Variants in LY6D observed in about 807,000 individuals in gnomAD.
LY6D encodes the protein lymphocyte antigen 6 family member D, also known as lymphocyte antigen 6D.
A neutral mutation model predicts 5.6 loss-of-function variants in LY6D; 7 were observed. That is an observed-to-expected ratio of 1.24 (90% CI 0.71 to 2.34). The LOEUF (loss-of-function observed/expected upper bound fraction) is 2.34. Among genes scored for constraint, LY6D ranks in the 30% most tolerant of loss-of-function variants. LY6D has a pLI of 0.00. For missense variants in LY6D, 148 were observed against 164.8 expected, an observed-to-expected ratio of 0.90 and a Z score of 0.56; for synonymous variants, 81 against 75.0, an observed-to-expected ratio of 1.08 and a Z score of -0.41.
At position 142,785,395 on chromosome 8, in the gene LY6D, G is replaced by A. The variant is rs1433453302; in HGVS notation, c.213C>T (p.Tyr71=). The change falls in exon 3 of 3, where the codon TAC becomes TAT. Residue 71 remains tyrosine, a synonymous_variant. Transcript: ENST00000301263. ...CGCTGCTGACCTGGCCTTGCAGGGT[G>A]TAGCTGGGTGTGCACGACTCCGCAC... ...KDCAESCTPS[Y]TLQGQVSSGT... 6 of 1,613,470 alleles carry A rather than the reference G, an allele frequency of 3.7e-6. No individual in the cohort carries two copies. The highest frequency in any genetic ancestry group is 1.3e-5 in the African/African-American group (1 of 74,886).
rs773613053 is a variant in LY6D at position 142,785,306 on chromosome 8, GGTGCAGCGTT to G, written c.292_301del (p.Asn98ProfsTer17). The G allele has an allele frequency of 1.2e-6, 2 of 1,613,632 alleles. No individual in the cohort carries two copies. Among genetic ancestry groups the G allele is most frequent in the Non-Finnish European group, 1.7e-6 (2 of 1,179,914 alleles). On this transcript the variant is annotated frameshift_variant, in exon 3 of 3. Coordinates refer to ENST00000301263, the MANE Select transcript of LY6D (RefSeq NM_003695.3). LOFTEE classifies it low-confidence loss of function (END_TRUNC). ...ACTGTGGGCGAGGGCGGTGCGGGTG[GGTGCAGCGTT>G]GTGCAGCTTCTCATTGCACAGGTCC... is the stretch of plus-strand genomic sequence containing the variant.
chr8:142,786,163 G>T, intron 1 of LY6D: 1 of 1,257,876 alleles, frequency 7.9e-7, no homozygotes, highest in Non-Finnish European at 1.0e-6. Flanking sequence ...GACCGGGAGG[G>T]GCTGGTGGCA....
At chr8:142,785,948 A>C in intron 1 of LY6D, 1 of 1,343,212 alleles carries the variant, frequency 7.4e-7, no homozygotes. Context: ...CCTTTCCTCC[A>C]AGGTCTCAGG....
chr8:142,785,677 C>G lies in LY6D; in HGVS notation c.63G>C (p.Leu21=). The G allele has an allele frequency of 6.2e-7, 1 of 1,613,520 alleles. No individual in the cohort carries two copies. Among genetic ancestry groups the G allele is most frequent in the African/African-American group, 1.3e-5 (1 of 75,048 alleles). ...LAVATGPALT[L]RCHVCTSSSN... is the part of the protein sequence containing the mutation. Reference sequence around the variant, plus strand: ...TGGAGCTGGTGCACACGTGGCAGCGCAGGGTAAGGGCTGGCGGGGAGGGAG... The same window carrying G: ...TGGAGCTGGTGCACACGTGGCAGCGGAGGGTAAGGGCTGGCGGGGAGGGAG... The change falls in exon 2 of 3, where the codon CTG becomes CTC. Residue 21 remains leucine (L), a synonymous_variant. Coordinates refer to ENST00000301263, the MANE Select transcript of LY6D (RefSeq NM_003695.3).
At chr8:142,786,057 G>A in intron 1 of LY6D, 1 of 1,193,656 alleles carries the variant, frequency 8.4e-7, no homozygotes, top group Non-Finnish European at 1.0e-6. Context: ...ACGGAGCTAA[G>A]GCCCCGGGGG....
chr8:142,786,101 A>G, intron 1 of LY6D: 3 of 1,195,160 alleles, frequency 2.5e-6, no homozygotes, highest in Non-Finnish European at 3.1e-6. Context: ...CTATGACAGG[A>G]AGGGCTTGGT....
At chr8:142,786,441 C>A in intron 1 of LY6D, 24 bp downstream of exon 1, 1 of 1,503,878 alleles carries the variant, frequency 6.6e-7, no homozygotes, top group South Asian at 1.2e-5. Context: ...CCCACCCGCC[C>A]GTCCCCTTGG....
At position 142,785,651 on chromosome 8, in the gene LY6D, C is replaced by A. The variant is rs369344476; in HGVS notation, c.89G>T (p.Ser30Ile). ...TLRCHVCTSS[S>I]NCKHSVVCPA... ...GCAGACCACAGAATGCTTGCAGTTG[C>A]TGGAGCTGGTGCACACGTGGCAGCG... Residue 30 changes from serine to isoleucine, a missense_variant, in exon 2 of 3, where the codon AGC (serine) becomes ATC (isoleucine). Physicochemically the swap from Ser to Ile is moderately radical, Grantham distance 142 (BLOSUM62 -2). Transcript: ENST00000301263. 8.1e-6 allele frequency: 13 copies of A among 1,613,540 alleles called. No homozygotes were observed. In the African/African-American group the frequency reaches 1.6e-4, roughly 20 times the overall value.
Position 142,784,986 on chromosome 8 carries a change from C to A in LY6D, c.*235G>T. On this transcript the variant is annotated 3_prime_UTR_variant, in exon 3 of 3. Transcript: ENST00000301263. The stretch of plus-strand genomic sequence containing the variant: ...GGGGATCCACAGGGCTTCTGTCCTC[C>A]ACCTTCCATGCAGCTGGGGGCTGCA... 1.9e-6 allele frequency: 1 copy of A among 537,114 alleles called. No individual in the cohort carries two copies. The highest frequency in any genetic ancestry group is 3.3e-6 in the Non-Finnish European group (1 of 301,888). The allele number at this position is 537,114 out of a possible 1,614,324, so 33.3% of individuals were successfully genotyped here.
chr8:142,786,367 C>T, intron 1 of LY6D, 98 bp downstream of exon 1: 1 of 1,445,682 alleles, frequency 6.9e-7, no homozygotes, highest in South Asian at 1.5e-5. Context: ...TGTCGGGGTT[C>T]TCTGTGCCTA....
rs1247298323 is a variant in LY6D at position 142,785,409 on chromosome 8, A to T, written c.199T>A (p.Cys67Ser). 1 of 1,613,386 alleles carries T rather than the reference A, an allele frequency of 6.2e-7. No individual in the cohort carries two copies. Among genetic ancestry groups the T allele is most frequent in the Non-Finnish European group, 8.5e-7 (1 of 1,179,914 alleles). Residue 67 changes from cysteine (C) to serine (S), a missense_variant, in exon 3 of 3, where the codon TGC becomes AGC. Cys to Ser is a moderately radical substitution (Grantham distance 112). Coordinates refer to ENST00000301263, the MANE Select transcript of LY6D (RefSeq NM_003695.3). Reference sequence around the variant, plus strand: ...CCTTGCAGGGTGTAGCTGGGTGTGCACGACTCCGCACAGTCCTTCTTCACC... The same window carrying T: ...CCTTGCAGGGTGTAGCTGGGTGTGCTCGACTCCGCACAGTCCTTCTTCACC... The part of the protein sequence containing the change: ...NLVKKDCAES[C>S]TPSYTLQGQV...
At chr8:142,785,551 C>T (rs750519427) in intron 2 of LY6D, 38 bp downstream of exon 2, 12 of 1,608,026 alleles carry the variant, frequency 7.5e-6, no homozygotes, top group Non-Finnish European at 1.0e-5. Context: ...CCAGGGATGT[C>T]CCCCAGCCCC....
At position 142,785,216 on chromosome 8, in the gene LY6D, G is replaced by A. The variant is rs1223232965; in HGVS notation, c.*5C>T. The A allele has an allele frequency of 1.3e-6, 2 of 1,593,814 alleles. No individual in the cohort carries two copies. The highest frequency in any genetic ancestry group is 1.1e-5 in the South Asian group (1 of 90,430). On this transcript the variant is annotated 3_prime_UTR_variant, in exon 3 of 3. Coordinates refer to ENST00000301263, the MANE Select transcript of LY6D (RefSeq NM_003695.3). ...AGGCATGAGGGGCCTTCCCTGGGGG[G>A]AAGGTCACAGGCTGGGGGCTAAGAT...
At position 142,785,197 on chromosome 8, in the gene LY6D, G is replaced by A; in HGVS notation, c.*24C>T. On this transcript the variant is annotated 3_prime_UTR_variant, in exon 3 of 3. Coordinates refer to ENST00000301263, the MANE Select transcript of LY6D (RefSeq NM_003695.3). ...CCCAGAGAAAGGGAAGGAAAGGCAT[G>A]AGGGGCCTTCCCTGGGGGGAAGGTC... The A allele has an allele frequency of 1.9e-6, 3 of 1,550,904 alleles. No individual in the cohort carries two copies. The highest frequency in any genetic ancestry group is 2.3e-5 in the South Asian group (2 of 88,564).
chr8:142,785,698 G>A lies in LY6D; in HGVS notation c.53-11C>T, dbSNP rs1158398221. The A allele has an allele frequency of 1.9e-6, 3 of 1,612,978 alleles. No individual in the cohort carries two copies. Among genetic ancestry groups the A allele is most frequent in the Non-Finnish European group, 2.5e-6 (3 of 1,179,856 alleles). On this transcript the variant is annotated splice_polypyrimidine_tract_variant and intron_variant, in intron 1 of 2. Transcript: ENST00000301263. ...AGCGCAGGGTAAGGGCTGGCGGGGAGGGAGTCCGGCTCAGCGGGCCCAACA... is the reference window on the plus strand; with the variant it reads ...AGCGCAGGGTAAGGGCTGGCGGGGAAGGAGTCCGGCTCAGCGGGCCCAACA...
Position 142,785,307 on chromosome 8 carries a change from G to T in LY6D, c.301C>A (p.Pro101Thr), listed in dbSNP as rs769905220. Reference protein sequence around the residue: ...LCNEKLHNAAPTRTALAHSAL... With the variant: ...LCNEKLHNAATTRTALAHSAL... ...CTGTGGGCGAGGGCGGTGCGGGTGG[G>T]TGCAGCGTTGTGCAGCTTCTCATTG... The change falls in exon 3 of 3, where the codon CCC (proline) becomes ACC (threonine). Residue 101 changes from proline to threonine, a missense_variant. Coordinates refer to ENST00000301263, the MANE Select transcript of LY6D (RefSeq NM_003695.3). 1.7e-5 allele frequency: 27 copies of T among 1,613,554 alleles called. No individual in the cohort carries two copies. The highest frequency in any genetic ancestry group is 2.2e-5 in the Non-Finnish European group (26 of 1,179,936).
At chr8:142,785,980 G>A in intron 1 of LY6D, 2 of 1,301,416 alleles carry the variant, frequency 1.5e-6, no homozygotes, top group African/African-American at 1.5e-5. Flanking sequence ...CTGCCAAGAG[G>A]ACACTGGCTC....
At chr8:142,785,967 C>G (rs372888935) in intron 1 of LY6D, 8 of 1,312,148 alleles carry the variant, frequency 6.1e-6, no homozygotes, top group Non-Finnish European at 7.8e-6. Context: ...GGGAGCTCTG[C>G]GACTGCCAAG....
intron 1 of LY6D, 30 bp from the exon 2 acceptor site, chr8:142,785,717 C>A (rs748836022): frequency 1.2e-6 from 2 of 1,611,272 alleles, no homozygotes; most frequent in Non-Finnish European, 1.7e-6. Context: ...GCTCAGCGGG[C>A]CCAACAGAGG....
Sources: gnomAD v4.1 joint callset for allele counts on GRCh38, gnomAD v4.1.1 for gene constraint, MANE v1.5 for transcripts, NCBI Gene and HGNC (gene_info 2026-07-23, HGNC 2026-07-21) for gene names.